The following FHIT variants were observed in gnomAD, a reference collection of about 807,000 sequenced individuals.
The protein encoded by FHIT is bis(5'-adenosyl)-triphosphatase.
A neutral mutation model predicts 17.9 loss-of-function variants in FHIT; 19 were observed. The ratio of observed to expected loss-of-function variants is 1.06; its 90% CI spans 0.74 to 1.56. The LOEUF is 1.56. Ranked by LOEUF, FHIT falls within the 40% of genes most tolerant of loss-of-function variation. The pLI is 0.00. For synonymous variants in FHIT, 81 were observed against 69.7 expected, an observed-to-expected ratio of 1.16 and a Z score of -0.81; for missense variants, 248 against 189.2, an observed-to-expected ratio of 1.31 and a Z score of -1.82.
Position 60,185,788 on chromosome 3 carries a change from TCA to T in FHIT, c.104-171638_104-171637del, listed in dbSNP as rs992554076. 3.3e-5 allele frequency among the ~76,000 whole-genome samples: 5 copies of T among 152,244 alleles called. No homozygotes were observed. In the East Asian group the frequency reaches 5.8e-4, roughly 18 times the overall value. On this transcript the variant is annotated intron_variant, in intron 5 of 9. Transcript: ENST00000492590. ...TACATCCTCCCTATTAATGGTATTG[TCA>T]GTTTTTGGTATTTGGTATTTGCTCT...
intron 4 of FHIT, among the ~76,000 whole-genome samples, chr3:60,658,957 T>C (rs1242361584): frequency 6.8e-6 from 1 of 147,858 alleles, no homozygotes; most frequent in Non-Finnish European, 1.5e-5. Flanking sequence ...ATAAACTTCC[T>C]CAGCTTTTTT....
intron 5 of FHIT, among the ~76,000 whole-genome samples, chr3:60,140,222 T>C (rs942120317): frequency 6.6e-6 from 1 of 152,150 alleles, no homozygotes; most frequent in Non-Finnish European, 1.5e-5. Flanking sequence ...AGTAGACAAA[T>C]GTTGTTTCTG....
intron 3 of FHIT, among the ~76,000 whole-genome samples, chr3:60,961,874 C>T (rs1478964740): frequency 1.3e-5 from 2 of 152,140 alleles, no homozygotes; most frequent in African/African-American, 2.4e-5. Flanking sequence ...ATGCCTCTAG[C>T]TTTGTTCTTT....
chr3:60,818,137 T>C (rs1389362443), intron 4 of FHIT, among the ~76,000 whole-genome samples: 3 of 152,160 alleles, frequency 2.0e-5, no homozygotes, highest in Admixed American at 6.5e-5. Context: ...TACCTTCTTA[T>C]TCATTATGAG....
intron 5 of FHIT, among the ~76,000 whole-genome samples, chr3:60,101,518 A>G (rs1024559275): frequency 3.9e-5 from 6 of 152,032 alleles, no homozygotes; most frequent in African/African-American, 1.2e-4. Flanking sequence ...CACCCACCCC[A>G]TGCTATTTTC....
chr3:60,901,409 C>T (rs990175643), intron 3 of FHIT, among the ~76,000 whole-genome samples: 1 of 152,108 alleles, frequency 6.6e-6, no homozygotes, highest in East Asian at 1.9e-4. Context: ...TGGAAAGAAG[C>T]CTAAGATCTT....
At chr3:60,677,644 G>GTGTA (rs386396800) in intron 4 of FHIT, among the ~76,000 whole-genome samples, 4 of 151,506 alleles carry the variant, frequency 2.6e-5, no homozygotes, top group Non-Finnish European at 4.4e-5. Context: ...ATGTGTGTGT[G>GTGTA]TATATATATA....
intron 4 of FHIT, among the ~76,000 whole-genome samples, chr3:60,654,423 C>G (rs55955020): frequency 1.3e-5 from 2 of 151,970 alleles, no homozygotes. Flanking sequence ...GTCTACAGAG[C>G]CACCTGTCCA....
At chr3:61,155,296 A>G (rs1193593095) in intron 2 of FHIT, among the ~76,000 whole-genome samples, 1 of 152,214 alleles carries the variant, frequency 6.6e-6, no homozygotes, top group African/African-American at 2.4e-5. Context: ...TAACTTTCAC[A>G]GGACTTTGCT....
At chr3:60,899,672 C>T (rs976143710) in intron 3 of FHIT, among the ~76,000 whole-genome samples, 2 of 152,160 alleles carry the variant, frequency 1.3e-5, no homozygotes, top group Admixed American at 1.3e-4. Flanking sequence ...TTTCAACAGT[C>T]ACTCAATAAT....
chr3:61,088,221 T>C (rs376712311), intron 2 of FHIT, among the ~76,000 whole-genome samples: 2 of 152,126 alleles, frequency 1.3e-5, no homozygotes, highest in South Asian at 2.1e-4. Context: ...AGTTTTGTTT[T>C]AGAACTGGAA....
At chr3:61,128,486 C>T (rs1223415608) in intron 2 of FHIT, among the ~76,000 whole-genome samples, 3 of 152,048 alleles carry the variant, frequency 2.0e-5, no homozygotes, top group Admixed American at 6.6e-5. Context: ...ACAATATAGG[C>T]GACAACATTT....
intron 5 of FHIT, among the ~76,000 whole-genome samples, chr3:60,455,876 A>G (rs554748798): frequency 1.1e-4 from 16 of 152,298 alleles, no homozygotes; most frequent in Admixed American, 2.6e-4. Flanking sequence ...GGAAAAAAAT[A>G]CATAATTTTA....
intron 4 of FHIT, among the ~76,000 whole-genome samples, chr3:60,748,954 T>C (rs1159617652): frequency 6.6e-6 from 1 of 152,204 alleles, no homozygotes; most frequent in Non-Finnish European, 1.5e-5. Flanking sequence ...TGCAATTTTC[T>C]TTTTTTCAAA....
intron 5 of FHIT, among the ~76,000 whole-genome samples, chr3:60,194,470 A>C (rs972278093): frequency 1.3e-5 from 2 of 152,210 alleles, no homozygotes; most frequent in South Asian, 4.1e-4. Context: ...CTAAGACATG[A>C]AACCATAAAA....
At chr3:60,169,099 G>T (rs1210882416) in intron 5 of FHIT, among the ~76,000 whole-genome samples, 1 of 152,116 alleles carries the variant, frequency 6.6e-6, no homozygotes, top group Non-Finnish European at 1.5e-5. Context: ...AGTAAGTTTG[G>T]GTCAGCACAT....
intron 5 of FHIT, among the ~76,000 whole-genome samples, chr3:60,171,634 T>C (rs1701418734): frequency 1.3e-5 from 2 of 152,214 alleles, no homozygotes; most frequent in African/African-American, 4.8e-5. Flanking sequence ...CTTCTATTCT[T>C]GGAATTTTTT....
Position 60,927,758 on chromosome 3 carries a change from C to T in FHIT, c.-110-105747G>A, listed in dbSNP as rs1405288926. 7.3e-5 allele frequency among the ~76,000 whole-genome samples: 10 copies of T among 137,598 alleles called. No individual in the cohort carries two copies. The East Asian group carries it at 1.8e-3, about 25-fold the overall frequency. The allele number at this position is 137,598 out of a possible 152,430, so 90.3% of individuals were successfully genotyped here. Reference sequence around the variant, plus strand: ...GTGCCCCCACCCGGCAGCCGCCCCGCCTGGGAGGTGAGGAGCCCCTCTGCC... The same window carrying T: ...GTGCCCCCACCCGGCAGCCGCCCCGTCTGGGAGGTGAGGAGCCCCTCTGCC... On this transcript the variant is annotated intron_variant, in intron 3 of 9. Transcript: ENST00000492590.
At chr3:60,754,973 T>C (rs1208236530) in intron 4 of FHIT, among the ~76,000 whole-genome samples, 1 of 152,218 alleles carries the variant, frequency 6.6e-6, no homozygotes, top group African/African-American at 2.4e-5. Flanking sequence ...TATGCTTTCA[T>C]TTATTAGAAA....
Sources: gnomAD v4.1 joint callset for allele counts (sites outside exome capture counted in the v4.1 genomes callset) on GRCh38, gnomAD v4.1.1 for gene constraint, MANE v1.5 for transcripts, NCBI Gene and HGNC (gene_info 2026-07-23, HGNC 2026-07-21) for gene names.